Variants in ALMS1 observed in about 807,000 individuals in gnomAD.
ALMS1 encodes the protein ALMS1 centrosome and basal body associated protein, also known as centrosome-associated protein ALMS1.
In ALMS1, 271 loss-of-function variants were observed where a neutral mutation model predicts 352.2. That is an observed-to-expected ratio of 0.77 (90% confidence interval 0.70 to 0.85). The LOEUF (loss-of-function observed/expected upper bound fraction) is 0.85. Among genes scored for constraint, ALMS1 ranks in the 40% least tolerant of loss-of-function variants. The pLI, the probability that ALMS1 is intolerant of heterozygous loss-of-function variation, is 0.00. For synonymous variants in ALMS1, 1,865 were observed against 1,761.2 expected (o/e 1.06, Z -1.48); for missense variants, 5,445 against 4,870.7 (o/e 1.12, Z -3.51).
intron 1 of ALMS1, among the ~76,000 whole-genome samples, chr2:73,395,494 G>A (rs185610684): frequency 6.6e-6 from 1 of 152,146 alleles, no homozygotes; most frequent in Admixed American, 6.5e-5. Flanking sequence ...ATGTTTTATA[G>A]TTTTCAGAAT....
Position 73,490,916 on chromosome 2 carries a change from C to T in ALMS1, c.8957C>T (p.Pro2986Leu), listed in dbSNP as rs1022866808. 3 of 1,613,690 alleles carry T rather than the reference C, an allele frequency of 1.9e-6. No individual in the cohort carries two copies. The highest frequency in any genetic ancestry group is 1.7e-5 in the Admixed American group (1 of 59,980). Reference sequence around the variant, plus strand: ...GACCAAATGAATAAACACCATTTTCCCCTTCCTCAAGGTCAGGATTGTGTA... The same window carrying T: ...GACCAAATGAATAAACACCATTTTCTCCTTCCTCAAGGTCAGGATTGTGTA... The part of the protein sequence containing the change: ...VDDQMNKHHF[P>L]LPQGQDCVVE... Residue 2986 changes from proline to leucine, a missense_variant, in exon 10 of 23, where the codon CCC becomes CTC. Transcript: ENST00000613296.
intron 1 of ALMS1, among the ~76,000 whole-genome samples, chr2:73,390,216 A>G (rs1022645386): frequency 2.0e-5 from 3 of 152,250 alleles, no homozygotes; most frequent in Non-Finnish European, 2.9e-5. Context: ...TCACTGGCAT[A>G]TTGAAACTTA....
At chr2:73,475,272 G>A (rs911472219) in intron 9 of ALMS1, among the ~76,000 whole-genome samples, 4 of 152,060 alleles carry the variant, frequency 2.6e-5, no homozygotes, top group African/African-American at 9.7e-5. Context: ...GGGACATACA[G>A]TAACTCCATG....
chr2:73,598,818 C>T (rs866463014), intron 16 of ALMS1, among the ~76,000 whole-genome samples: 6 of 152,150 alleles, frequency 3.9e-5, no homozygotes, highest in African/African-American at 9.7e-5. Flanking sequence ...TGTCATCCAC[C>T]GACATTCCAC....
chr2:73,557,679 G>T (rs1289276953), intron 14 of ALMS1, among the ~76,000 whole-genome samples: 2 of 152,090 alleles, frequency 1.3e-5, no homozygotes, highest in African/African-American at 4.8e-5. Flanking sequence ...GTGAGACACG[G>T]ACCCTCTAAT....
intron 7 of ALMS1, among the ~76,000 whole-genome samples, chr2:73,441,610 A>ACTATTCCTATTCCTATTCCTATTT (rs1553402597): frequency 2.0e-5 from 3 of 150,880 alleles, no homozygotes; most frequent in African/African-American, 7.4e-5. Flanking sequence ...TCTCCTTCCC[A>ACTATTCCTATTCCTATTCCTATTT]CTATTCCTAT....
Position 73,524,289 on chromosome 2 carries a change from C to T in ALMS1, c.9781+4273C>T, listed in dbSNP as rs988211513. ...GAATTTATTTTTATTTTTAATTTGT[C>T]TGGGTATATAGTAGACATAGATATT... On this transcript the variant is annotated intron_variant, in intron 11 of 22. Transcript: ENST00000613296. 1.4e-4 allele frequency among the ~76,000 whole-genome samples: 21 copies of T among 150,812 alleles called. 1 individual carries two copies. The highest frequency in any genetic ancestry group is 5.1e-4 in the African/African-American group (21 of 41,326).
At chr2:73,564,098 TAAAA>T (rs772690471) in intron 15 of ALMS1, among the ~76,000 whole-genome samples, 1 of 147,658 alleles carries the variant, frequency 6.8e-6, no homozygotes, top group Non-Finnish European at 1.5e-5. Flanking sequence ...GGGTTAAACT[TAAAA>T]AAAAAACCCT....
intron 9 of ALMS1, among the ~76,000 whole-genome samples, chr2:73,483,322 C>T (rs1243445075): frequency 6.0e-5 from 9 of 151,254 alleles, no homozygotes; most frequent in Non-Finnish European, 1.3e-4. Flanking sequence ...GCCTTCATTT[C>T]GTTATGTACC....
chr2:73,553,862 T>C (rs1161482213), intron 13 of ALMS1, among the ~76,000 whole-genome samples: 1 of 152,068 alleles, frequency 6.6e-6, no homozygotes, highest in East Asian at 1.9e-4. Context: ...ATCCCAGAAC[T>C]GAAAGATGTG....
At chr2:73,583,042 T>TG (rs893319641) in intron 16 of ALMS1, among the ~76,000 whole-genome samples, 18 of 149,772 alleles carry the variant, frequency 1.2e-4, no homozygotes, top group Non-Finnish European at 2.4e-4. Context: ...CAACACTTGT[T>TG]TTTTTTTTTT....
chr2:73,409,368 C>T (rs1333077168), intron 2 of ALMS1, among the ~76,000 whole-genome samples: 3 of 152,058 alleles, frequency 2.0e-5, no homozygotes, highest in Non-Finnish European at 4.4e-5. Flanking sequence ...TTGCCTCGGC[C>T]TCCTAAAACT....
chr2:73,527,755 T>G (rs1418962543), intron 11 of ALMS1, among the ~76,000 whole-genome samples: 4 of 152,090 alleles, frequency 2.6e-5, no homozygotes, highest in Admixed American at 6.5e-5. Context: ...ATTTTATGTA[T>G]TTTTGCTCTG....
rs976096963 is a variant in ALMS1, at chr2:73,448,044, T to C, written c.1517T>C (p.Ile506Thr). Residue 506 changes from isoleucine (I) to threonine (T), a missense_variant, in exon 8 of 23, where the codon ATT (isoleucine) becomes ACT (threonine). Coordinates refer to ENST00000613296, the MANE Select transcript of ALMS1 (RefSeq NM_001378454.1). ...ACTACCACTCCTGTTGATTCAGACA[T>C]TGGATCTCATTTATCCTTGTCCCTT... ...GITTTPVDSD[I>T]GSHLSLSLED... is the part of the protein sequence containing the mutation. 14 of 1,613,844 alleles carry C rather than the reference T, an allele frequency of 8.7e-6. No homozygotes were observed. The highest frequency in any genetic ancestry group is 2.2e-5 in the East Asian group (1 of 44,900).
Position 73,388,073 on chromosome 2 carries a change from T to G in ALMS1, c.324+1881T>G, listed in dbSNP as rs72907389. ...GAATTGGTTGGGTGAGTCTTAAGAT[T>G]ATGAGTTTGGTTTTGAAGATTGAAG... On this transcript the variant is annotated intron_variant, in intron 1 of 22. Transcript: ENST00000613296. 4.3e-3 allele frequency among the ~76,000 whole-genome samples: 655 copies of G among 152,164 alleles called. 6 individuals carry two copies. The highest frequency in any genetic ancestry group is 0.013 in the African/African-American group (553 of 41,502).
At chr2:73,459,217 G>A (rs951617804) in intron 9 of ALMS1, 1 of 152,092 alleles carries the variant, frequency 6.6e-6, no homozygotes, top group Non-Finnish European at 1.5e-5. Flanking sequence ...TGATTTTTAT[G>A]TAGGAAAGCC....
intron 1 of ALMS1, among the ~76,000 whole-genome samples, chr2:73,406,982 A>G (rs997712921): frequency 2.6e-5 from 4 of 152,246 alleles, no homozygotes; most frequent in African/African-American, 4.8e-5. Context: ...ACATGTTTAT[A>G]TATTGTTTAA....
At chr2:73,520,954 C>T (rs1269517379) in intron 11 of ALMS1, among the ~76,000 whole-genome samples, 1 of 152,104 alleles carries the variant, frequency 6.6e-6, no homozygotes, top group African/African-American at 2.4e-5. Flanking sequence ...CAAGTCTACT[C>T]AAAGTACATC....
chr2:73,456,237 ATCAATATG>A (rs1416917916), intron 9 of ALMS1, among the ~76,000 whole-genome samples: 1 of 152,172 alleles, frequency 6.6e-6, no homozygotes, highest in African/African-American at 2.4e-5. Context: ...CTAAGATGGA[ATCAATATG>A]ATACATATTC....
Sources: gnomAD v4.1 joint callset for allele counts (sites outside exome capture counted in the v4.1 genomes callset) on GRCh38, gnomAD v4.1.1 for gene constraint, MANE v1.5 for transcripts, NCBI Gene and HGNC (gene_info 2026-07-23, HGNC 2026-07-21) for gene names.